The following ZDHHC23 variants were observed in gnomAD, a reference collection of about 807,000 sequenced individuals.
The protein encoded by ZDHHC23 is zDHHC palmitoyltransferase 23.
Under a neutral mutation model 40.2 loss-of-function variants are expected in ZDHHC23, and 41 were observed. That is an observed-to-expected ratio of 1.02 (90% CI 0.79 to 1.32). ZDHHC23 has a LOEUF of 1.32. Ranked by LOEUF, ZDHHC23 falls within the 40% of genes most tolerant of loss-of-function variation. The pLI, the probability that ZDHHC23 is intolerant of heterozygous loss-of-function variation, is 0.00. For synonymous variants in ZDHHC23, 204 were observed against 210.2 expected (o/e 0.97, Z 0.26); for missense variants, 471 against 541.5 (o/e 0.87, Z 1.29).
rs1939639116 is a variant in ZDHHC23 at position 113,960,918 on chromosome 3, G to A, written c.*2288G>A. 8.2e-6 allele frequency: 7 copies of A among 858,006 alleles called. No individual in the cohort carries two copies. Among genetic ancestry groups the A allele is most frequent in the Non-Finnish European group, 1.0e-5 (6 of 599,758 alleles). 53.1% of individuals were successfully genotyped at this position (858,006 alleles called of 1,614,324 possible). A position where few individuals can be genotyped will look rare whatever the true frequency, so the allele number is the denominator to read the frequency against. On this transcript the variant is annotated 3_prime_UTR_variant, in exon 5 of 5. Coordinates refer to ENST00000638807, the MANE Select transcript of ZDHHC23 (RefSeq NM_001320466.2). ...CCTTCCCAGGCGTCTGTACCGAAAG[G>A]AGCAGCAAACAAGGGGCTAATCCAT...
chr3:113,959,221 A>G lies in ZDHHC23; in HGVS notation c.*591A>G, dbSNP rs1206031896. 9.4e-7 allele frequency: 1 copy of G among 1,065,026 alleles called. No homozygotes were observed. The highest frequency in any genetic ancestry group is 6.7e-5 in the East Asian group (1 of 15,018). The allele number at this position is 1,065,026 out of a possible 1,614,324, so 66.0% of individuals were successfully genotyped here. On this transcript the variant is annotated 3_prime_UTR_variant, in exon 5 of 5. Coordinates refer to ENST00000638807, the MANE Select transcript of ZDHHC23 (RefSeq NM_001320466.2). ...TATAGTCTAGAATATTGAAGCCAAT[A>G]TTATTAGGGTAATCAGTTTTCAGCA... is the stretch of plus-strand genomic sequence containing the variant.
chr3:113,959,049 T>G lies in ZDHHC23; in HGVS notation c.*419T>G. The stretch of plus-strand genomic sequence containing the variant: ...CCAAGTCTCAGGGTCATCTGCAAAG[T>G]GGGGTACTGATGCCTGCCCTGGCTA... On this transcript the variant is annotated 3_prime_UTR_variant, in exon 5 of 5. Transcript: ENST00000638807. 1 of 1,007,894 alleles carries G rather than the reference T, an allele frequency of 9.9e-7. No individual in the cohort carries two copies. The highest frequency in any genetic ancestry group is 1.3e-6 in the Non-Finnish European group (1 of 784,654). 62.4% of individuals were successfully genotyped at this position (1,007,894 alleles called of 1,614,324 possible). A position where few individuals can be genotyped will look rare whatever the true frequency, so the allele number is the denominator to read the frequency against.
At chr3:113,977,577 A>G in the ZDHHC23 span, among the ~76,000 whole-genome samples, 1 of 152,248 alleles carries the variant, frequency 6.6e-6, no homozygotes, top group Non-Finnish European at 1.5e-5. Flanking sequence ...CATGTATATA[A>G]AGTTCCAAAC....
chr3:113,956,156 T>G (rs1210585825), intron 3 of ZDHHC23, among the ~76,000 whole-genome samples, 183 bp from the exon 4 acceptor site: 1 of 152,144 alleles, frequency 6.6e-6, no homozygotes, highest in African/African-American at 2.4e-5. Flanking sequence ...GCAGGAGAAT[T>G]GCTTAACCGG....
At chr3:113,974,316 T>G in the ZDHHC23 span, among the ~76,000 whole-genome samples, 3 of 146,416 alleles carry the variant, frequency 2.0e-5, no homozygotes, top group Non-Finnish European at 4.5e-5. Flanking sequence ...CCCCATTTGC[T>G]GTTTTTTGTT....
intron 4 of ZDHHC23, chr3:113,957,595 T>TCACAGCAC: frequency 2.3e-6 from 1 of 434,566 alleles, no homozygotes; most frequent in Non-Finnish European, 4.6e-6. Context: ...TGCAGGCGAT[T>TCACAGCAC]CACAGCACCT....
intron 3 of ZDHHC23, among the ~76,000 whole-genome samples, chr3:113,954,767 T>G (rs1443799410): frequency 1.3e-5 from 2 of 152,230 alleles, no homozygotes; most frequent in Non-Finnish European, 2.9e-5. Flanking sequence ...TATTTCCCTG[T>G]GCTATTCCTT....
At chr3:113,969,347 G>T (rs1467893861), downstream of ZDHHC23, among the ~76,000 whole-genome samples, 1 of 152,140 alleles carries the variant, frequency 6.6e-6, no homozygotes, top group South Asian at 2.1e-4. Context: ...AAACTTTTTA[G>T]CTTGATGTAA....
At chr3:113,948,456 C>T (rs899039291) in intron 1 of ZDHHC23, 8 of 259,016 alleles carry the variant, frequency 3.1e-5, no homozygotes, top group African/African-American at 4.4e-5. Context: ...CCAGCCTGCA[C>T]CCGCAGGTGA....
downstream of ZDHHC23, among the ~76,000 whole-genome samples, chr3:113,965,836 C>G (rs1240657607): frequency 2.0e-5 from 3 of 152,192 alleles, no homozygotes; most frequent in South Asian, 4.2e-4. Flanking sequence ...CTCAAGTGAT[C>G]TGCCTGCCTT....
rs956003233 is a variant in ZDHHC23, at chr3:113,960,881, G to C, written c.*2251G>C. On this transcript the variant is annotated 3_prime_UTR_variant, in exon 5 of 5. Coordinates refer to ENST00000638807, the MANE Select transcript of ZDHHC23 (RefSeq NM_001320466.2). ...AACCTGTCAAAAGATGAGTGATCTT[G>C]TGTGGGAAAAGCCTTCCCAGGCGTC... 7.8e-7 allele frequency: 1 copy of C among 1,282,526 alleles called. No individual in the cohort carries two copies. Among genetic ancestry groups the C allele is most frequent in the African/African-American group, 1.6e-5 (1 of 63,694 alleles). 79.4% of individuals were successfully genotyped at this position (1,282,526 alleles called of 1,614,324 possible). A position where few individuals can be genotyped will look rare whatever the true frequency, so the allele number is the denominator to read the frequency against.
chr3:113,978,585 C>A, the ZDHHC23 span: 1 of 576,510 alleles, frequency 1.7e-6, no homozygotes, highest in East Asian at 2.9e-5. Context: ...CACTGTGAGA[C>A]AAGAAACAAG....
intron 3 of ZDHHC23, among the ~76,000 whole-genome samples, chr3:113,955,756 T>C (rs908989727): frequency 3.3e-5 from 5 of 152,170 alleles, no homozygotes; most frequent in East Asian, 1.9e-4. Flanking sequence ...CTGGGTAATA[T>C]TGATATTTAG....
downstream of ZDHHC23, chr3:113,964,888 A>AT (rs747977630): frequency 1.3e-4 from 32 of 251,138 alleles, no homozygotes; most frequent in Admixed American, 6.0e-4. Context: ...AAAGTTTACT[A>AT]TGCTAAAAAT....
chr3:113,949,723 TTAA>T (rs1400843903), intron 2 of ZDHHC23, among the ~76,000 whole-genome samples: 2 of 152,344 alleles, frequency 1.3e-5, no homozygotes, highest in Admixed American at 6.5e-5. Flanking sequence ...GCTTTTCCCA[TTAA>T]TAATTATTTC....
At position 113,960,258 on chromosome 3, in the gene ZDHHC23, T is replaced by G. The variant is rs930009127; in HGVS notation, c.*1628T>G. 2 of 1,017,634 alleles carry G rather than the reference T, an allele frequency of 2.0e-6. No individual in the cohort carries two copies. The highest frequency in any genetic ancestry group is 3.5e-5 in the African/African-American group (2 of 57,478). 63.0% of individuals were successfully genotyped at this position (1,017,634 alleles called of 1,614,324 possible). On this transcript the variant is annotated 3_prime_UTR_variant, in exon 5 of 5. Coordinates refer to ENST00000638807, the MANE Select transcript of ZDHHC23 (RefSeq NM_001320466.2). The stretch of plus-strand genomic sequence containing the variant: ...AGCTGTCCTTAAGATGGTCACCATA[T>G]TCTTATTCAGGCTGTTGTCATTTTC...
intron 2 of ZDHHC23, among the ~76,000 whole-genome samples, chr3:113,953,299 C>T (rs758592833): frequency 3.3e-5 from 5 of 152,208 alleles, no homozygotes; most frequent in Non-Finnish European, 7.3e-5. Context: ...CTGAGCACTC[C>T]TTATAATGTT....
intron 3 of ZDHHC23, among the ~76,000 whole-genome samples, chr3:113,955,840 G>A (rs1229057247): frequency 1.3e-5 from 2 of 152,160 alleles, no homozygotes; most frequent in South Asian, 2.1e-4. Flanking sequence ...TCCACTTTGC[G>A]AAGAGTAGAG....
Position 113,948,906 on chromosome 3 carries a change from A to G in ZDHHC23, c.104A>G (p.Lys35Arg), listed in dbSNP as rs745310124. The G allele has an allele frequency of 1.9e-6, 3 of 1,614,220 alleles. No individual in the cohort carries two copies. In the South Asian group the frequency reaches 3.3e-5, roughly 18 times the overall value. ...GAGTACATAGATCGGAATGGGGAAAAGAACCACGTGGCTACTTGTTTGTGT... is the reference window on the plus strand; with the variant it reads ...GAGTACATAGATCGGAATGGGGAAAGGAACCACGTGGCTACTTGTTTGTGT... ...CCEYIDRNGE[K>R]NHVATCLCDC... The change falls in exon 2 of 5, where the codon AAG becomes AGG. Residue 35 changes from lysine to arginine, a missense_variant. Around this residue, in one of 3 missense-constraint regions of ZDHHC23, gnomAD observed 83 missense variants for 67.8 expected, o/e 1.22. Transcript: ENST00000638807.
Sources: gnomAD v4.1 joint callset for allele counts (sites outside exome capture counted in the v4.1 genomes callset) on GRCh38, gnomAD v4.1.1 for gene constraint, gnomAD v4.1.1 regional missense constraint, MANE v1.5 for transcripts, NCBI Gene and HGNC (gene_info 2026-07-23, HGNC 2026-07-21) for gene names.